Variants in FUT9 observed in about 807,000 individuals in gnomAD.
The protein encoded by FUT9 is 4-galactosyl-N-acetylglucosaminide 3-alpha-L-fucosyltransferase 9.
FUT9 carries 15 observed loss-of-function variants against 29.7 expected under a neutral mutation model. The ratio of observed to expected loss-of-function variants is 0.51; its 90% CI spans 0.34 to 0.78. The LOEUF (loss-of-function observed/expected upper bound fraction) is 0.78, where lower values mean the gene tolerates loss of function less well. Among genes scored for constraint, FUT9 ranks in the 30% least tolerant of loss-of-function variants. FUT9 has a pLI of 0.01. For synonymous variants in FUT9, 169 were observed against 153.7 expected, an observed-to-expected ratio of 1.10 and a Z score of -0.74; for missense variants, 319 against 425.4, an observed-to-expected ratio of 0.75 and a Z score of 2.20.
intron 2 of FUT9, among the ~76,000 whole-genome samples, chr6:96,202,079 CG>C (rs1773735211): frequency 6.6e-6 from 1 of 151,606 alleles, no homozygotes; most frequent in South Asian, 2.1e-4. Context: ...ATATTATTTT[CG>C]TAAGAGAAGC....
intron 1 of FUT9, among the ~76,000 whole-genome samples, chr6:96,050,453 C>T (rs1210137460): frequency 6.6e-6 from 1 of 152,204 alleles, no homozygotes; most frequent in Admixed American, 6.5e-5. Flanking sequence ...TCTTCATTAT[C>T]TAACCCAGTG....
intron 2 of FUT9, among the ~76,000 whole-genome samples, chr6:96,152,553 G>A (rs1033800154): frequency 9.2e-5 from 14 of 152,156 alleles, no homozygotes; most frequent in Non-Finnish European, 1.6e-4. Flanking sequence ...TCATTGGAGT[G>A]GGGCTTGAAA....
intron 2 of FUT9, among the ~76,000 whole-genome samples, chr6:96,191,750 C>A (rs1773514500): frequency 6.6e-6 from 1 of 151,902 alleles, no homozygotes; most frequent in Non-Finnish European, 1.5e-5. Flanking sequence ...TATCCTGATA[C>A]CAAAGCCTGG....
At chr6:96,091,266 A>G (rs1254740847) in intron 1 of FUT9, among the ~76,000 whole-genome samples, 1 of 152,260 alleles carries the variant, frequency 6.6e-6, no homozygotes, top group East Asian at 1.9e-4. Flanking sequence ...AAATTTAACC[A>G]TGAGAAGGTT....
chr6:96,197,893 C>A (rs1301732112), intron 2 of FUT9, among the ~76,000 whole-genome samples: 3 of 152,160 alleles, frequency 2.0e-5, no homozygotes, highest in African/African-American at 7.2e-5. Flanking sequence ...GCTCCTGTTT[C>A]TTTCCATTTA....
intron 2 of FUT9, among the ~76,000 whole-genome samples, chr6:96,158,269 A>G (rs776102315): frequency 6.6e-5 from 10 of 152,102 alleles, no homozygotes; most frequent in Non-Finnish European, 1.3e-4. Context: ...TTCATTTCAT[A>G]TCATAATGGA....
chr6:96,045,625 G>A (rs1339354676), intron 1 of FUT9, among the ~76,000 whole-genome samples: 2 of 152,168 alleles, frequency 1.3e-5, no homozygotes, highest in Non-Finnish European at 2.9e-5. Context: ...GACTGGTGAG[G>A]CACAAAGCAG....
chr6:96,086,068 TG>T (rs1258529793), intron 1 of FUT9, among the ~76,000 whole-genome samples: 2 of 152,184 alleles, frequency 1.3e-5, no homozygotes. Flanking sequence ...TTAATAATTA[TG>T]CCATGACAAC....
chr6:96,194,613 G>C (rs943298271), intron 2 of FUT9, among the ~76,000 whole-genome samples: 1 of 152,084 alleles, frequency 6.6e-6, no homozygotes, highest in Non-Finnish European at 1.5e-5. Context: ...CACTGGGTTA[G>C]TTGCCCTACC....
intron 1 of FUT9, among the ~76,000 whole-genome samples, chr6:96,028,063 A>C (rs1312040782): frequency 6.6e-6 from 1 of 151,656 alleles, no homozygotes; most frequent in African/African-American, 2.4e-5. Flanking sequence ...GAAGAATGGA[A>C]GGTCAAGAAA....
intron 2 of FUT9, among the ~76,000 whole-genome samples, chr6:96,187,911 C>G (rs4840235): frequency 0.91 from 138,813 of 152,080 alleles, 64,697 homozygotes; most frequent in Non-Finnish European, 1. Flanking sequence ...AGAGAATGTG[C>G]CTAGGAGGGG....
chr6:96,113,822 C>A (rs1355647970), intron 1 of FUT9, among the ~76,000 whole-genome samples: 1 of 148,530 alleles, frequency 6.7e-6, no homozygotes, highest in Non-Finnish European at 1.5e-5. Context: ...CCACTGCACT[C>A]CAGCCTGGGC....
chr6:96,164,752 T>C (rs910379214), intron 2 of FUT9, among the ~76,000 whole-genome samples: 3 of 152,206 alleles, frequency 2.0e-5, no homozygotes, highest in African/African-American at 7.2e-5. Flanking sequence ...TGGTTTATTT[T>C]AGAATGTCCT....
chr6:96,188,776 A>G (rs1350512287), intron 2 of FUT9, among the ~76,000 whole-genome samples: 1 of 151,582 alleles, frequency 6.6e-6, no homozygotes, highest in East Asian at 1.9e-4. Flanking sequence ...TTAAATGGTA[A>G]AATTTATATA....
At chr6:96,175,780 T>C (rs1377706995) in intron 2 of FUT9, among the ~76,000 whole-genome samples, 2 of 152,184 alleles carry the variant, frequency 1.3e-5, no homozygotes, top group Non-Finnish European at 2.9e-5. Context: ...GGCCATTCAG[T>C]CTGTAATGGT....
At position 96,215,489 on chromosome 6, in the gene FUT9, G is replaced by C. The variant is rs1048345437; in HGVS notation, c.*11254G>C. ...TTCAGTCATATTTCCTAAATTCAGTGTAAGTACCTCGCTGATTTAGCACTG... is the reference window on the plus strand; with the variant it reads ...TTCAGTCATATTTCCTAAATTCAGTCTAAGTACCTCGCTGATTTAGCACTG... On this transcript the variant is annotated 3_prime_UTR_variant, in exon 3 of 3. Transcript: ENST00000302103. 1.2e-5 allele frequency: 2 copies of C among 166,700 alleles called. No homozygotes were observed. Among genetic ancestry groups the C allele is most frequent in the African/African-American group, 4.8e-5 (2 of 41,442 alleles). 10.3% of individuals were successfully genotyped at this position (166,700 alleles called of 1,614,324 possible). A position where few individuals can be genotyped will look rare whatever the true frequency, so the allele number is the denominator to read the frequency against.
chr6:96,043,329 C>G (rs1770502832), intron 1 of FUT9, among the ~76,000 whole-genome samples: 1 of 152,162 alleles, frequency 6.6e-6, no homozygotes, highest in Non-Finnish European at 1.5e-5. Context: ...GGATTACAGG[C>G]GTGAGCCACC....
At chr6:96,089,561 A>G (rs1029677338) in intron 1 of FUT9, among the ~76,000 whole-genome samples, 4 of 152,192 alleles carry the variant, frequency 2.6e-5, no homozygotes, top group Admixed American at 6.5e-5. Context: ...GATCTGATCC[A>G]TATTCCTGCA....
intron 2 of FUT9, among the ~76,000 whole-genome samples, chr6:96,135,585 C>A (rs1161924255): frequency 6.6e-6 from 1 of 151,690 alleles, no homozygotes; most frequent in Non-Finnish European, 1.5e-5. Flanking sequence ...GCTAAGTATA[C>A]TGCATAAAGA....
Sources: gnomAD v4.1 joint callset for allele counts (sites outside exome capture counted in the v4.1 genomes callset) on GRCh38, gnomAD v4.1.1 for gene constraint, MANE v1.5 for transcripts, NCBI Gene and HGNC (gene_info 2026-07-23, HGNC 2026-07-21) for gene names.